Variants in RNF2 observed in about 807,000 individuals in gnomAD.
RNF2 encodes the protein E3 ubiquitin-protein ligase RING2.
A neutral mutation model predicts 37.2 loss-of-function variants in RNF2; 6 were observed. The observed-to-expected ratio is 0.16, with a 90% CI of 0.09 to 0.32. The LOEUF (loss-of-function observed/expected upper bound fraction) is 0.32. Ranked by LOEUF, RNF2 falls within the 10% of genes least tolerant of loss-of-function variation. The pLI, the probability that RNF2 is intolerant of heterozygous loss-of-function variation, is 1.00. For missense variants in RNF2, 251 were observed against 404.0 expected, an observed-to-expected ratio of 0.62 and a Z score of 3.25; for synonymous variants, 133 against 132.7, an observed-to-expected ratio of 1.00 and a Z score of -0.02.
intron 1 of RNF2, among the ~76,000 whole-genome samples, chr1:185,054,501 G>A (rs1169204096): frequency 2.0e-5 from 3 of 151,938 alleles, no homozygotes; most frequent in Non-Finnish European, 4.4e-5. Flanking sequence ...TGGCCCCTCC[G>A]GGCCGGCCAG....
intron 1 of RNF2, among the ~76,000 whole-genome samples, chr1:185,056,345 C>A (rs1571295123): frequency 6.6e-6 from 1 of 150,800 alleles, no homozygotes; most frequent in Non-Finnish European, 1.5e-5. Flanking sequence ...AATTATCCAT[C>A]ATTCTTTTTT....
intron 1 of RNF2, among the ~76,000 whole-genome samples, chr1:185,050,885 A>G (rs1490912442): frequency 1.3e-5 from 2 of 152,204 alleles, no homozygotes; most frequent in Non-Finnish European, 1.5e-5. Context: ...GATGTTCTCA[A>G]TCTCAAGGTA....
rs562775006 is a variant in RNF2, at chr1:185,072,237, CATGTT to C, written c.-2-15314_-2-15310del. ...TGACTGTGAAGAATATCTGGACTCT[CATGTT>C]GAGGGGTTTTTGGTTATTTTTTTAG... On this transcript the variant is annotated intron_variant, in intron 1 of 6. Transcript: ENST00000367510. Among the ~76,000 whole-genome samples, 516 of 152,112 alleles carry C rather than the reference CATGTT, an allele frequency of 3.4e-3. 5 individuals carry two copies. Among genetic ancestry groups the C allele is most frequent in the African/African-American group, 0.012 (505 of 41,506 alleles).
At position 185,077,503 on chromosome 1, in the gene RNF2, C is replaced by T. The variant is rs114829772; in HGVS notation, c.-2-10049C>T. On this transcript the variant is annotated intron_variant, in intron 1 of 6. Coordinates refer to ENST00000367510, the MANE Select transcript of RNF2 (RefSeq NM_007212.4). ...GTTTCTATTTATTTCTAACTTATTA[C>T]GACTTTTATTAGAAATAGTTTATTT... Among the ~76,000 whole-genome samples the T allele has an allele frequency of 4.1e-3, 623 of 152,032 alleles. 8 individuals are homozygous for T. The highest frequency in any genetic ancestry group is 0.014 in the African/African-American group (590 of 41,470).
At chr1:185,077,328 A>AT (rs1651198423) in intron 1 of RNF2, among the ~76,000 whole-genome samples, 2 of 124,096 alleles carry the variant, frequency 1.6e-5, no homozygotes, top group African/African-American at 3.1e-5. Context: ...CTCCCTCTCT[A>AT]TTTTTTTTCC....
intron 2 of RNF2, 47 bp downstream of exon 2, chr1:185,087,687 G>C: frequency 7.4e-7 from 1 of 1,356,430 alleles, no homozygotes; most frequent in Non-Finnish European, 1.1e-6. Context: ...CGTGTAAACT[G>C]GGATACATTT....
intron 2 of RNF2, among the ~76,000 whole-genome samples, chr1:185,090,564 T>C (rs1203928524): frequency 2.0e-5 from 3 of 152,224 alleles, no homozygotes; most frequent in Non-Finnish European, 4.4e-5. Flanking sequence ...TAGCTATAGT[T>C]TCTATATTTT....
intron 4 of RNF2, among the ~76,000 whole-genome samples, chr1:185,093,840 G>A (rs1004318829): frequency 3.3e-5 from 5 of 152,126 alleles, no homozygotes; most frequent in Middle Eastern, 3.4e-3. Context: ...GAAATATGGC[G>A]TGTCCCAGAG....
At position 185,059,222 on chromosome 1, in the gene RNF2, C is replaced by A. The variant is rs1173278908; in HGVS notation, c.-3+13573C>A. 4.6e-5 allele frequency among the ~76,000 whole-genome samples: 5 copies of A among 108,594 alleles called. No individual in the cohort carries two copies. In the South Asian group the frequency reaches 1.4e-3, roughly 29 times the overall value. The allele number at this position is 108,594 out of a possible 152,430, so 71.2% of individuals were successfully genotyped here. ...GAATAGAAGTCTCCTGAATCCCAGTCTGGATTAAAAAAAAAAAACCTCCGT... is the reference window on the plus strand; with the variant it reads ...GAATAGAAGTCTCCTGAATCCCAGTATGGATTAAAAAAAAAAAACCTCCGT... On this transcript the variant is annotated intron_variant, in intron 1 of 6. Coordinates refer to ENST00000367510, the MANE Select transcript of RNF2 (RefSeq NM_007212.4).
chr1:185,087,513 C>G (rs1056751310), intron 1 of RNF2, 39 bp from the exon 2 acceptor site: 1 of 1,567,520 alleles, frequency 6.4e-7, no homozygotes, highest in Non-Finnish European at 8.8e-7. Context: ...ACTTCCCTTC[C>G]AAATACTAAA....
intron 4 of RNF2, among the ~76,000 whole-genome samples, chr1:185,095,350 T>C (rs767844996): frequency 2.0e-5 from 3 of 152,232 alleles, no homozygotes; most frequent in Non-Finnish European, 2.9e-5. Flanking sequence ...TCACCAAGCA[T>C]GCTTCTGCCT....
In RNF2 at chr1:185,079,163, A is replaced by G. The variant is rs1040148433; in HGVS notation, c.-2-8389A>G. 4.9e-5 allele frequency among the ~76,000 whole-genome samples: 7 copies of G among 144,198 alleles called. No homozygotes were observed. In the East Asian group the frequency reaches 1.4e-3, roughly 30 times the overall value. 94.6% of individuals were successfully genotyped at this position (144,198 alleles called of 152,430 possible). A position where few individuals can be genotyped will look rare whatever the true frequency, so the allele number is the denominator to read the frequency against. On this transcript the variant is annotated intron_variant, in intron 1 of 6. Coordinates refer to ENST00000367510, the MANE Select transcript of RNF2 (RefSeq NM_007212.4). ...TCAGACTAATGCTTACTTTTCATTT[A>G]TACATTCTCTCCACAAATTTGAGCA...
rs1437694214 is a variant in RNF2, at chr1:185,091,743, T to G, written c.248+4T>G. 9 of 1,613,074 alleles carry G rather than the reference T, an allele frequency of 5.6e-6. No individual in the cohort carries two copies. The highest frequency in any genetic ancestry group is 7.6e-6 in the Non-Finnish European group (9 of 1,179,470). On this transcript the variant is annotated splice_donor_region_variant and intron_variant, in intron 3 of 6. Coordinates refer to ENST00000367510, the MANE Select transcript of RNF2 (RefSeq NM_007212.4). ...TCATCACAGCCCTTAGAAGTGGGTA[T>G]GTTGAAAAGAGTTGTTATACTAGGT... is the stretch of plus-strand genomic sequence containing the variant.
At chr1:185,077,712 TTTG>T (rs1651216959) in intron 1 of RNF2, among the ~76,000 whole-genome samples, 1 of 150,956 alleles carries the variant, frequency 6.6e-6, no homozygotes, top group African/African-American at 2.4e-5. Flanking sequence ...TCTGTTTTGT[TTTG>T]TTTTTTTTTT....
chr1:185,096,554 T>C lies in RNF2; in HGVS notation c.465-1518T>C, dbSNP rs539196733. On this transcript the variant is annotated intron_variant, in intron 4 of 6. Transcript: ENST00000367510. ...AAGTGAAATCGTGCTGTATTTGTAC[T>C]TTTGGGGTTTTTTTTTTGTTGTTGT... Among the ~76,000 whole-genome samples the C allele has an allele frequency of 5.3e-5, 8 of 152,230 alleles. No individual in the cohort carries two copies. In the South Asian group the frequency reaches 1.7e-3, roughly 32 times the overall value.
chr1:185,097,364 T>G (rs1217436566), intron 4 of RNF2, among the ~76,000 whole-genome samples: 4 of 152,228 alleles, frequency 2.6e-5, no homozygotes, highest in Non-Finnish European at 5.9e-5. Context: ...CTTACTATTC[T>G]TCTTAACTTT....
At chr1:185,073,075 T>C (rs904471063) in intron 1 of RNF2, among the ~76,000 whole-genome samples, 1 of 143,158 alleles carries the variant, frequency 7.0e-6, no homozygotes, top group South Asian at 2.2e-4. Flanking sequence ...TTTTTTTTTT[T>C]ACTTAATGTG....
Position 185,100,453 on chromosome 1 carries a change from C to T in RNF2, c.*152C>T, listed in dbSNP as rs1652046278. On this transcript the variant is annotated 3_prime_UTR_variant, in exon 7 of 7. Coordinates refer to ENST00000367510, the MANE Select transcript of RNF2 (RefSeq NM_007212.4). ...TAGTTTACGCTATTCAAATCTTTTC[C>T]CCTTTATTTAAGATTTCCTTTTTGG... 1 of 431,018 alleles carries T rather than the reference C, an allele frequency of 2.3e-6. No homozygotes were observed. Among genetic ancestry groups the T allele is most frequent in the Non-Finnish European group, 4.2e-6 (1 of 240,910 alleles). The allele number at this position is 431,018 out of a possible 1,614,324, so 26.7% of individuals were successfully genotyped here. A position where few individuals can be genotyped will look rare whatever the true frequency, so the allele number is the denominator to read the frequency against.
chr1:185,046,470 T>G (rs1050203120), intron 1 of RNF2, among the ~76,000 whole-genome samples: 1 of 152,204 alleles, frequency 6.6e-6, no homozygotes, highest in African/African-American at 2.4e-5. Context: ...CCTTCTTGCT[T>G]TCAGAGATGG....
Sources: allele counts gnomAD v4.1 joint callset (sites outside exome capture counted in the v4.1 genomes callset), GRCh38; gene constraint gnomAD v4.1.1; transcripts MANE v1.5; gene names NCBI Gene and HGNC (gene_info 2026-07-23, HGNC 2026-07-21).